The following CNTN1 variants were observed in gnomAD, a reference collection of about 807,000 sequenced individuals.
CNTN1 encodes contactin-1.
Under a neutral mutation model 126.4 loss-of-function variants are expected in CNTN1, and 38 were observed. The observed-to-expected ratio is 0.30, with a 90% confidence interval of 0.23 to 0.39. The LOEUF (loss-of-function observed/expected upper bound fraction) is 0.39. Ranked by LOEUF, CNTN1 falls within the 10% of genes least tolerant of loss-of-function variation. The pLI is 1.00. For missense variants in CNTN1, 1,009 were observed against 1,248.4 expected (o/e 0.81, Z 2.89); for synonymous variants, 413 against 422.6 (o/e 0.98, Z 0.28).
intron 1 of CNTN1, among the ~76,000 whole-genome samples, chr12:40,725,341 C>T (rs575503214): frequency 3.1e-5 from 4 of 128,424 alleles, no homozygotes; most frequent in African/African-American, 8.9e-5. Flanking sequence ...GCAGAGGTTG[C>T]GGTGAGCCGA....
At chr12:40,761,199 A>G (rs1938852598) in intron 1 of CNTN1, among the ~76,000 whole-genome samples, 1 of 152,156 alleles carries the variant, frequency 6.6e-6, no homozygotes, top group South Asian at 2.1e-4. Flanking sequence ...AGATTTATCT[A>G]AAGACTTCCA....
At chr12:40,902,552 C>G (rs1408971502) in intron 1 of CNTN1, among the ~76,000 whole-genome samples, 2 of 152,008 alleles carry the variant, frequency 1.3e-5, no homozygotes, top group African/African-American at 4.8e-5. Flanking sequence ...GATAAAGGCA[C>G]ATTTTTTTGT....
intron 1 of CNTN1, among the ~76,000 whole-genome samples, chr12:40,836,572 T>C (rs1592141110): frequency 6.6e-6 from 1 of 152,114 alleles, no homozygotes; most frequent in South Asian, 2.1e-4. Context: ...GTACACAGTA[T>C]GTACAATAAG....
At chr12:41,069,930 A>C in intron 23 of CNTN1, 29 bp from the exon 24 acceptor site, 1 of 1,579,356 alleles carries the variant, frequency 6.3e-7, no homozygotes, top group Non-Finnish European at 8.7e-7. Flanking sequence ...TCAATGAAAT[A>C]ATATGCACAC....
chr12:40,999,057 G>T (rs1248559303), intron 17 of CNTN1, among the ~76,000 whole-genome samples: 3 of 152,046 alleles, frequency 2.0e-5, no homozygotes, highest in Admixed American at 2.0e-4. Flanking sequence ...ATACTTATAT[G>T]CAAATTATTT....
At chr12:40,975,370 A>G (rs1947645792) in intron 15 of CNTN1, among the ~76,000 whole-genome samples, 1 of 151,990 alleles carries the variant, frequency 6.6e-6, no homozygotes, top group African/African-American at 2.4e-5. Context: ...GAGACTCTGC[A>G]TTGAACCATG....
intron 1 of CNTN1, among the ~76,000 whole-genome samples, chr12:40,769,981 C>T (rs771482693): frequency 6.6e-6 from 1 of 152,064 alleles, no homozygotes; most frequent in Non-Finnish European, 1.5e-5. Context: ...AACTCTGTTG[C>T]AGAGAAGTGA....
chr12:40,740,882 C>T (rs996061172), intron 1 of CNTN1, among the ~76,000 whole-genome samples: 4 of 152,112 alleles, frequency 2.6e-5, no homozygotes, highest in South Asian at 2.1e-4. Flanking sequence ...CTTCCTTTGC[C>T]TTCCACCCTG....
In CNTN1 at chr12:40,850,690, T is replaced by C. The variant is rs1942684467; in HGVS notation, c.-76-57667T>C. ...GCATGACTAGATGAATAAGTATAAATAGTTTTTGTATTCTTCAGCTGTCTA... is the reference window on the plus strand; with the variant it reads ...GCATGACTAGATGAATAAGTATAAACAGTTTTTGTATTCTTCAGCTGTCTA... On this transcript the variant is annotated intron_variant, in intron 1 of 23. Coordinates refer to ENST00000551295, the MANE Select transcript of CNTN1 (RefSeq NM_001843.4). Among the ~76,000 whole-genome samples the C allele has an allele frequency of 2.0e-5, 3 of 152,140 alleles. No individual in the cohort carries two copies. The South Asian group carries it at 6.2e-4, about 31-fold the overall frequency.
At chr12:41,056,929 AT>A (rs1315922276) in intron 23 of CNTN1, among the ~76,000 whole-genome samples, 20 of 80,710 alleles carry the variant, frequency 2.5e-4, no homozygotes, top group Non-Finnish European at 4.3e-4. Context: ...ATATTTAGAT[AT>A]TTATAAATAT....
intron 1 of CNTN1, among the ~76,000 whole-genome samples, chr12:40,751,061 G>A (rs1359964338): frequency 2.6e-5 from 4 of 152,088 alleles, no homozygotes; most frequent in African/African-American, 4.8e-5. Flanking sequence ...GGATCAAACA[G>A]CAATGGCAAT....
intron 1 of CNTN1, among the ~76,000 whole-genome samples, chr12:40,813,644 G>A (rs1941165520): frequency 6.6e-6 from 1 of 152,268 alleles, no homozygotes; most frequent in East Asian, 1.9e-4. Flanking sequence ...AAATAGTGCT[G>A]CAATAAACAT....
chr12:40,976,807 C>T (rs1187269486), intron 15 of CNTN1, among the ~76,000 whole-genome samples: 2 of 152,268 alleles, frequency 1.3e-5, no homozygotes, highest in Non-Finnish European at 2.9e-5. Context: ...TGAAGTCCGA[C>T]CGTCCACGTT....
chr12:40,787,435 C>T (rs1473100322), intron 1 of CNTN1, among the ~76,000 whole-genome samples: 5 of 152,128 alleles, frequency 3.3e-5, no homozygotes, highest in Admixed American at 3.3e-4. Context: ...ATTTGGCAGA[C>T]TCTGCTTTTT....
intron 16 of CNTN1, among the ~76,000 whole-genome samples, chr12:40,986,107 A>G (rs1291136355): frequency 1.3e-5 from 2 of 152,170 alleles, no homozygotes; most frequent in African/African-American, 2.4e-5. Context: ...CTATTTGTTT[A>G]TACAAGTTGT....
intron 1 of CNTN1, among the ~76,000 whole-genome samples, chr12:40,822,077 A>G (rs1390422044): frequency 1.3e-5 from 2 of 149,602 alleles, no homozygotes; most frequent in African/African-American, 2.4e-5. Context: ...AGAAGTAACT[A>G]TGATCCTGAA....
rs542019322 is a variant in CNTN1 at position 41,006,434 on chromosome 12, C to A, written c.2114-7794C>A. Among the ~76,000 whole-genome samples, 292 of 152,274 alleles carry A rather than the reference C, an allele frequency of 1.9e-3. 1 individual carries two copies. The highest frequency in any genetic ancestry group is 6.1e-3 in the African/African-American group (254 of 41,572). On this transcript the variant is annotated intron_variant, in intron 17 of 23. Transcript: ENST00000551295. ...ACCCCTGCTGGAGACTGTGTGTGGG[C>A]ATGCTGGAGGTGGTATTAGCTCAGG...
chr12:40,891,441 C>A (rs1383536866), intron 1 of CNTN1, among the ~76,000 whole-genome samples: 1 of 151,972 alleles, frequency 6.6e-6, no homozygotes, highest in African/African-American at 2.4e-5. Context: ...GGATTCTGCC[C>A]CTATTGCTAT....
intron 14 of CNTN1, among the ~76,000 whole-genome samples, chr12:40,955,222 C>T (rs1483908917): frequency 6.6e-6 from 1 of 151,856 alleles, no homozygotes; most frequent in Non-Finnish European, 1.5e-5. Context: ...TCCTGTATGA[C>T]CCAAGACTTC....
Sources: gnomAD v4.1 joint callset for allele counts (sites outside exome capture counted in the v4.1 genomes callset) on GRCh38, gnomAD v4.1.1 for gene constraint, MANE v1.5 for transcripts, NCBI Gene and HGNC (gene_info 2026-07-23, HGNC 2026-07-21) for gene names.